Variants in TNRC6A observed in about 807,000 individuals in gnomAD.
TNRC6A encodes the protein trinucleotide repeat containing adaptor 6A, also known as trinucleotide repeat-containing gene 6A protein.
TNRC6A carries 44 observed loss-of-function variants against 221.2 expected under a neutral mutation model. That is an observed-to-expected ratio of 0.20 (90% CI 0.16 to 0.26). The LOEUF (loss-of-function observed/expected upper bound fraction) is 0.26. TNRC6A is among the 10% of genes least tolerant of loss of function. The probability of loss-of-function intolerance (pLI) is 1.00; values close to 1 mark genes in which losing one functional copy is unlikely to be tolerated. For synonymous variants in TNRC6A, 847 were observed against 838.5 expected (o/e 1.01, Z -0.18); for missense variants, 2,199 against 2,404.4 (o/e 0.91, Z 1.79).
intron 2 of TNRC6A, among the ~76,000 whole-genome samples, chr16:24,700,093 G>C (rs1044389089): frequency 6.6e-6 from 1 of 151,972 alleles, no homozygotes; most frequent in African/African-American, 2.4e-5. Flanking sequence ...GTAATAGCTG[G>C]GATCAAAAGG....
chr16:24,643,517 T>C (rs1324898307), intron 2 of TNRC6A, among the ~76,000 whole-genome samples: 1 of 152,098 alleles, frequency 6.6e-6, no homozygotes, highest in African/African-American at 2.4e-5. Flanking sequence ...TTTGTACAGC[T>C]CACTCTCCAC....
chr16:24,712,041 G>A (rs1247376160), intron 2 of TNRC6A, among the ~76,000 whole-genome samples: 1 of 152,066 alleles, frequency 6.6e-6, no homozygotes, highest in East Asian at 1.9e-4. Flanking sequence ...TTCAATGGGG[G>A]GAAACATCTT....
At chr16:24,786,349 G>A (rs574384425) in intron 5 of TNRC6A, among the ~76,000 whole-genome samples, 50 of 151,324 alleles carry the variant, frequency 3.3e-4, no homozygotes, top group Non-Finnish European at 5.7e-4. Flanking sequence ...TTTTTGAGAC[G>A]GAGTCTTGCT....
At chr16:24,647,126 T>C (rs1902335640) in intron 2 of TNRC6A, among the ~76,000 whole-genome samples, 1 of 151,968 alleles carries the variant, frequency 6.6e-6, no homozygotes, top group African/African-American at 2.4e-5. Flanking sequence ...GAGACAGGGG[T>C]TCACCATGTT....
intron 11 of TNRC6A, among the ~76,000 whole-genome samples, chr16:24,802,271 G>A (rs1014254835): frequency 1.2e-4 from 18 of 152,134 alleles, no homozygotes; most frequent in African/African-American, 3.9e-4. Flanking sequence ...CAATGAGGCC[G>A]GGCACAGTGG....
intron 14 of TNRC6A, 44 bp from the exon 15 acceptor site, chr16:24,805,561 G>C (rs770336786): frequency 6.2e-7 from 1 of 1,610,274 alleles, no homozygotes; most frequent in South Asian, 1.1e-5. Flanking sequence ...TAGTTAGTGT[G>C]AGTTATTTTA....
In TNRC6A at chr16:24,729,668, TGCGGCGGCGGCGGTGTCGGCGGCGGCG is replaced by T. The variant is rs1322927729; in HGVS notation, c.-160_-134del. 216 of 649,424 alleles carry T rather than the reference TGCGGCGGCGGCGGTGTCGGCGGCGGCG, an allele frequency of 3.3e-4. 1 individual carries two copies. The highest frequency in any genetic ancestry group is 4.1e-4 in the Non-Finnish European group (190 of 458,716). 40.2% of individuals were successfully genotyped at this position (649,424 alleles called of 1,614,324 possible). A position where few individuals can be genotyped will look rare whatever the true frequency, so the allele number is the denominator to read the frequency against. On this transcript the variant is annotated 5_prime_UTR_variant, in exon 1 of 25. Transcript: ENST00000395799. Reference sequence around the variant, plus strand: ...GGGCATTCACTTCCGGTCTGGGGCCTGCGGCGGCGGCGGTGTCGGCGGCGGCGGCGGCGGCGGCGGCGGCGGCGGCAG... The same window carrying T: ...GGGCATTCACTTCCGGTCTGGGGCCTGCGGCGGCGGCGGCGGCGGCGGCAG...
chr16:24,736,374 G>A (rs1289128764), intron 2 of TNRC6A, among the ~76,000 whole-genome samples: 2 of 152,154 alleles, frequency 1.3e-5, no homozygotes, highest in African/African-American at 4.8e-5. Context: ...CCCACAGGAA[G>A]TTTAACTTTA....
At chr16:24,645,779 C>T (rs1783242377) in intron 2 of TNRC6A, among the ~76,000 whole-genome samples, 2 of 130,916 alleles carry the variant, frequency 1.5e-5, no homozygotes, top group South Asian at 4.9e-4. Flanking sequence ...GGGAAGATCA[C>T]TTGAGCTCAG....
rs2058209980 is a variant in TNRC6A at position 24,795,914 on chromosome 16, G to T, written c.3536G>T (p.Ser1179Ile). Residue 1179 changes from serine (S) to isoleucine (I), a missense_variant, in exon 9 of 25, where the codon AGT (serine) becomes ATT (isoleucine). Physicochemically the swap from Ser to Ile is moderately radical, Grantham distance 142. Coordinates refer to ENST00000395799, the MANE Select transcript of TNRC6A (RefSeq NM_014494.4). ...CTTTGTCTTTCCTTACAGGGTCTGA[G>T]TGGCAAAAAAAGGAGAAGGGAAAGG... The part of the protein sequence containing the change: ...YTKKMSSKGL[S>I]GKKRRRERGM... 1.2e-6 allele frequency: 2 copies of T among 1,607,446 alleles called. No homozygotes were observed. The highest frequency in any genetic ancestry group is 1.7e-5 in the Admixed American group (1 of 59,702).
chr16:24,665,010 A>G (rs886207297), intron 2 of TNRC6A: 1 of 456,160 alleles, frequency 2.2e-6, no homozygotes, highest in African/African-American at 2.0e-5. Context: ...GCAGGATTTG[A>G]AGTGGAGAGG....
intron 2 of TNRC6A, chr16:24,670,976 C>T (rs1332632055): frequency 2.4e-6 from 1 of 410,940 alleles, no homozygotes; most frequent in South Asian, 1.7e-5. Context: ...TAATTAGCAT[C>T]TGGCCGTGAT....
intron 2 of TNRC6A, among the ~76,000 whole-genome samples, chr16:24,669,423 A>T (rs932425059): frequency 6.6e-6 from 1 of 152,002 alleles, no homozygotes; most frequent in African/African-American, 2.4e-5. Context: ...CAGGAGGCAG[A>T]GGCTGCAGTG....
In TNRC6A at chr16:24,796,041, T is replaced by C. The variant is rs759078498; in HGVS notation, c.3561+102T>C. 3 of 1,320,284 alleles carry C rather than the reference T, an allele frequency of 2.3e-6. No homozygotes were observed. The South Asian group carries it at 3.6e-5, about 16-fold the overall frequency. 81.8% of individuals were successfully genotyped at this position (1,320,284 alleles called of 1,614,324 possible). On this transcript the variant is annotated intron_variant, in intron 9 of 24. Transcript: ENST00000395799. ...AGCCTCTGCTGTGTGCCAGGTACTG[T>C]GCTTGGTGCTGGGGATTCAAATACA...
At chr16:24,747,391 G>A (rs1037174133) in intron 2 of TNRC6A, among the ~76,000 whole-genome samples, 10 of 152,102 alleles carry the variant, frequency 6.6e-5, no homozygotes, top group African/African-American at 2.4e-4. Flanking sequence ...AGACAACGAG[G>A]TAGATTCATA....
At chr16:24,613,371 T>C (rs1290573234) in intron 1 of TNRC6A, among the ~76,000 whole-genome samples, 1 of 152,056 alleles carries the variant, frequency 6.6e-6, no homozygotes, top group South Asian at 2.1e-4. Flanking sequence ...ATCCAGATTA[T>C]GTGGAGCTCC....
intron 1 of TNRC6A, among the ~76,000 whole-genome samples, chr16:24,639,296 A>G (rs547041924): frequency 6.6e-6 from 1 of 152,194 alleles, no homozygotes; most frequent in South Asian, 2.1e-4. Flanking sequence ...GCCAGCCTGG[A>G]TGACATATCA....
At chr16:24,781,736 C>A (rs188371208) in intron 5 of TNRC6A, among the ~76,000 whole-genome samples, 1 of 152,266 alleles carries the variant, frequency 6.6e-6, no homozygotes, top group African/African-American at 2.4e-5. Flanking sequence ...CATCCAACCA[C>A]CCATCTAGAA....
intron 2 of TNRC6A, among the ~76,000 whole-genome samples, chr16:24,715,223 C>T (rs566933525): frequency 2.0e-5 from 3 of 152,150 alleles, no homozygotes; most frequent in East Asian, 3.9e-4. Context: ...TTAGAAATCC[C>T]TTCCTTTTAA....
Sources: allele counts gnomAD v4.1 joint callset (sites outside exome capture counted in the v4.1 genomes callset), GRCh38; gene constraint gnomAD v4.1.1; transcripts MANE v1.5; gene names NCBI Gene and HGNC (gene_info 2026-07-23, HGNC 2026-07-21).